Variants in CSNK2A2IP observed in about 807,000 individuals in gnomAD.
The protein encoded by CSNK2A2IP is casein kinase II subunit alpha'-interacting protein.
chr3:88,387,248 G>A, the CSNK2A2IP span, among the ~76,000 whole-genome samples: 109 of 147,692 alleles, frequency 7.4e-4, no homozygotes, highest in Middle Eastern at 3.5e-3. Flanking sequence ...TGCAGCCTCC[G>A]CCTCCTGGGT....
chr3:88,368,646 A>G, the CSNK2A2IP span, among the ~76,000 whole-genome samples: 614 of 152,182 alleles, frequency 4.0e-3, 2 homozygotes, highest in Non-Finnish European at 6.4e-3. Context: ...TTTCACTCAT[A>G]TAACTAGAAC....
At chr3:88,368,319 A>C in the CSNK2A2IP span, among the ~76,000 whole-genome samples, 2 of 151,960 alleles carry the variant, frequency 1.3e-5, no homozygotes, top group African/African-American at 4.8e-5. Context: ...CAAAGGGAAA[A>C]TTGAAGTTAT....
the CSNK2A2IP span, chr3:88,466,864 G>C: frequency 8.9e-7 from 1 of 1,126,084 alleles, no homozygotes; most frequent in Non-Finnish European, 1.1e-6. Context: ...AACACTTTCT[G>C]TCATACCAAC....
the CSNK2A2IP span, among the ~76,000 whole-genome samples, chr3:88,348,700 C>T: frequency 6.6e-6 from 1 of 151,922 alleles, no homozygotes; most frequent in Non-Finnish European, 1.5e-5. Context: ...CAATAAGTGG[C>T]CAGAAAAGCC....
the CSNK2A2IP span, among the ~76,000 whole-genome samples, chr3:88,390,233 G>A: frequency 1.3e-5 from 2 of 152,218 alleles, no homozygotes; most frequent in East Asian, 3.9e-4. Flanking sequence ...AATGAGGCTG[G>A]CAAACAGACC....
the CSNK2A2IP span, among the ~76,000 whole-genome samples, chr3:88,341,992 A>G: frequency 6.6e-6 from 1 of 152,026 alleles, no homozygotes; most frequent in Non-Finnish European, 1.5e-5. Flanking sequence ...CATGAAACGG[A>G]TCATTCCCAG....
chr3:88,340,583 A>G, the CSNK2A2IP span, among the ~76,000 whole-genome samples: 4 of 151,956 alleles, frequency 2.6e-5, no homozygotes, highest in Admixed American at 2.6e-4. Flanking sequence ...TATTTGTTCA[A>G]TCATGACCTG....
chr3:88,388,954 G>A, the CSNK2A2IP span, among the ~76,000 whole-genome samples: 7 of 141,088 alleles, frequency 5.0e-5, no homozygotes, highest in Non-Finnish European at 9.2e-5. Flanking sequence ...CCTTTGTGCT[G>A]CTTTAGAAAA....
the CSNK2A2IP span, among the ~76,000 whole-genome samples, chr3:88,381,599 G>C: frequency 2.0e-5 from 3 of 152,312 alleles, no homozygotes; most frequent in African/African-American, 7.2e-5. Flanking sequence ...TGGAATAAGT[G>C]AGTGGTTCTC....
At chr3:88,445,659 A>G in the CSNK2A2IP span, among the ~76,000 whole-genome samples, 2 of 151,880 alleles carry the variant, frequency 1.3e-5, no homozygotes, top group African/African-American at 2.4e-5. Flanking sequence ...CCTGGGGTCA[A>G]TTGATCCTCC....
At chr3:88,396,333 C>T in the CSNK2A2IP span, among the ~76,000 whole-genome samples, 2 of 151,900 alleles carry the variant, frequency 1.3e-5, no homozygotes, top group African/African-American at 2.4e-5. Context: ...TCTCGATCTC[C>T]TGACCTCGTG....
the CSNK2A2IP span, among the ~76,000 whole-genome samples, chr3:88,435,070 G>A: frequency 1.2e-4 from 19 of 152,174 alleles, no homozygotes; most frequent in Non-Finnish European, 2.8e-4. Context: ...TGATGGGCAG[G>A]AGAGTTCCCA....
the CSNK2A2IP span, among the ~76,000 whole-genome samples, chr3:88,417,773 A>T: frequency 6.6e-6 from 1 of 152,010 alleles, no homozygotes; most frequent in East Asian, 1.9e-4. Context: ...TCTTTTTTCT[A>T]CACTGTAGCT....
chr3:88,375,319 C>G, the CSNK2A2IP span, among the ~76,000 whole-genome samples: 2 of 151,864 alleles, frequency 1.3e-5, no homozygotes, highest in Non-Finnish European at 3.0e-5. Flanking sequence ...GCTGATCTCC[C>G]GGAAGATTTG....
the CSNK2A2IP span, among the ~76,000 whole-genome samples, chr3:88,435,938 TTATATATATAA>T: frequency 9.9e-6 from 1 of 100,658 alleles, no homozygotes; most frequent in Admixed American, 8.7e-5. Context: ...TATGTGTGCA[TTATATATATAA>T]TGCACATTAT....
the CSNK2A2IP span, among the ~76,000 whole-genome samples, chr3:88,380,572 A>G: frequency 6.6e-6 from 1 of 152,020 alleles, no homozygotes; most frequent in African/African-American, 2.4e-5. Context: ...ACTAAAACCT[A>G]TTCATAAAAC....
At chr3:88,392,139 G>A in the CSNK2A2IP span, among the ~76,000 whole-genome samples, 2 of 152,178 alleles carry the variant, frequency 1.3e-5, no homozygotes, top group African/African-American at 2.4e-5. Flanking sequence ...GATCACCAGA[G>A]GCTGGGGTGC....
chr3:88,348,016 A>G, the CSNK2A2IP span, among the ~76,000 whole-genome samples: 1 of 151,970 alleles, frequency 6.6e-6, no homozygotes, highest in Non-Finnish European at 1.5e-5. Context: ...AATACTTCCT[A>G]TAAAGACTTT....
chr3:88,435,956 T>A, the CSNK2A2IP span, among the ~76,000 whole-genome samples: 1 of 98,836 alleles, frequency 1.0e-5, no homozygotes, highest in Non-Finnish European at 2.1e-5. Flanking sequence ...ATAATGCACA[T>A]TATGTGTGCA....
Sources: gnomAD v4.1 joint callset for allele counts (sites outside exome capture counted in the v4.1 genomes callset) on GRCh38, gnomAD v4.1.1 for gene constraint, MANE v1.5 for transcripts, NCBI Gene and HGNC (gene_info 2026-07-23, HGNC 2026-07-21) for gene names.